PTPRZ1: variants seen among roughly 807,000 people sequenced by gnomAD.
The protein encoded by PTPRZ1 is protein tyrosine phosphatase receptor type Z1, also known as receptor-type tyrosine-protein phosphatase zeta.
PTPRZ1 carries 82 observed loss-of-function variants against 214.1 expected under a neutral mutation model. The ratio of observed to expected loss-of-function variants is 0.38; its 90% CI spans 0.32 to 0.46. The LOEUF (loss-of-function observed/expected upper bound fraction) is 0.46, where lower values mean the gene tolerates loss of function less well. Ranked by LOEUF, PTPRZ1 falls within the 20% of genes least tolerant of loss-of-function variation. The pLI is 1.00. For missense variants in PTPRZ1, 2,603 were observed against 2,748.7 expected (o/e 0.95, Z 1.19); for synonymous variants, 945 against 987.9 (o/e 0.96, Z 0.81).
chr7:121,923,080 G>C (rs1197110329), intron 1 of PTPRZ1, among the ~76,000 whole-genome samples: 2 of 152,104 alleles, frequency 1.3e-5, no homozygotes, highest in African/African-American at 4.8e-5. Context: ...GATCTATGAA[G>C]ATCCTACATG....
At chr7:121,924,983 G>C (rs146421558) in intron 1 of PTPRZ1, among the ~76,000 whole-genome samples, 78 of 152,290 alleles carry the variant, frequency 5.1e-4, no homozygotes, top group African/African-American at 1.8e-3. Flanking sequence ...TTGAAGGCAA[G>C]CATGCTATAG....
At position 122,027,153 on chromosome 7, in the gene PTPRZ1, G is replaced by C. The variant is rs76262716; in HGVS notation, c.4989-1399G>C. ...GATCAGGGGAAAACTCAGAGGGAGC[G>C]GCATTTGGGCCAATGCAAAAGTGAT... On this transcript the variant is annotated intron_variant, in intron 13 of 29. Coordinates refer to ENST00000393386, the MANE Select transcript of PTPRZ1 (RefSeq NM_002851.3). 8.7e-3 allele frequency among the ~76,000 whole-genome samples: 1,319 copies of C among 152,266 alleles called. 20 individuals are homozygous for C. Among genetic ancestry groups the C allele is most frequent in the African/African-American group, 0.03 (1,230 of 41,570 alleles).
chr7:122,055,760 C>T (rs1221856321), intron 27 of PTPRZ1, among the ~76,000 whole-genome samples: 2 of 151,790 alleles, frequency 1.3e-5, no homozygotes, highest in Admixed American at 1.3e-4. Context: ...CTAAAAGATA[C>T]TAACAATGAT....
At chr7:121,879,886 CTTT>C in intron 1 of PTPRZ1, among the ~76,000 whole-genome samples, 1 of 146,826 alleles carries the variant, frequency 6.8e-6, no homozygotes, top group South Asian at 2.2e-4. Context: ...TTTTCTTTTT[CTTT>C]TTTTGTTGCT....
intron 1 of PTPRZ1, among the ~76,000 whole-genome samples, chr7:121,919,234 G>A (rs548858730): frequency 3.0e-4 from 46 of 152,084 alleles, no homozygotes; most frequent in Admixed American, 1.1e-3. Context: ...CTGGTTAGCT[G>A]GAAAACTGCT....
chr7:121,900,754 T>A (rs1794932170), intron 1 of PTPRZ1, among the ~76,000 whole-genome samples: 1 of 152,188 alleles, frequency 6.6e-6, no homozygotes, highest in South Asian at 2.1e-4. Context: ...AATATGTTTA[T>A]GTATTCTTTT....
At chr7:122,043,357 G>C (rs1799788410) in intron 22 of PTPRZ1, among the ~76,000 whole-genome samples, 1 of 152,050 alleles carries the variant, frequency 6.6e-6, no homozygotes. Context: ...ACACATCCTT[G>C]CTAGCAAAAA....
chr7:121,884,030 GGAAA>G (rs1277013214), intron 1 of PTPRZ1, among the ~76,000 whole-genome samples: 25 of 152,118 alleles, frequency 1.6e-4, no homozygotes, highest in Non-Finnish European at 1.5e-5. Context: ...ACTAAGTTTA[GGAAA>G]GAGAGAAGGC....
intron 1 of PTPRZ1, among the ~76,000 whole-genome samples, chr7:121,917,087 C>T (rs1300186330): frequency 6.6e-6 from 1 of 152,146 alleles, no homozygotes; most frequent in Admixed American, 6.5e-5. Flanking sequence ...ATAGGATTTG[C>T]ACAGTTTCCG....
intron 1 of PTPRZ1, among the ~76,000 whole-genome samples, chr7:121,894,215 G>C (rs2116229743): frequency 1.3e-5 from 2 of 152,260 alleles, no homozygotes; most frequent in South Asian, 4.1e-4. Context: ...GGACCCCTTT[G>C]CCAAAACCCT....
intron 9 of PTPRZ1, 82 bp downstream of exon 9, chr7:121,996,648 T>A: frequency 8.9e-7 from 1 of 1,120,084 alleles, no homozygotes; most frequent in Non-Finnish European, 1.2e-6. Context: ...GGTTGTATAT[T>A]ATTTTCCTCC....
At chr7:122,014,104 C>T (rs1798774866) in intron 12 of PTPRZ1, among the ~76,000 whole-genome samples, 2 of 152,092 alleles carry the variant, frequency 1.3e-5, no homozygotes, top group East Asian at 1.9e-4. Context: ...ATTTAATTCT[C>T]TCCAAAATAG....
In PTPRZ1 at chr7:122,022,050, A is replaced by G. The variant is rs1799032870; in HGVS notation, c.4988+2782A>G. ...ACTAGCCAATATATAAACATTTTAG[A>G]CCTTTGTAAAAGCTACAGCTTGAGA... On this transcript the variant is annotated intron_variant, in intron 13 of 29. Coordinates refer to ENST00000393386, the MANE Select transcript of PTPRZ1 (RefSeq NM_002851.3). 5.3e-5 allele frequency among the ~76,000 whole-genome samples: 8 copies of G among 152,320 alleles called. No homozygotes were observed. In the South Asian group the frequency reaches 1.4e-3, roughly 28 times the overall value.
At chr7:122,035,706 G>A (rs925520554) in intron 17 of PTPRZ1, among the ~76,000 whole-genome samples, 2 of 152,134 alleles carry the variant, frequency 1.3e-5, no homozygotes, top group African/African-American at 4.8e-5. Flanking sequence ...AGTGTGACCT[G>A]TTACCATCAC....
rs1397236799 is a variant in PTPRZ1, at chr7:122,010,645, T to C, written c.1599T>C (p.Gly533=). 2 of 1,613,332 alleles carry C rather than the reference T, an allele frequency of 1.2e-6. No individual in the cohort carries two copies. The highest frequency in any genetic ancestry group is 1.1e-5 in the South Asian group (1 of 91,078). ...AACTGCCACCTCACACTGTGGAAGG[T>C]ACTTCAGCCTCTTTAAATGATGGCT... ...VTELPPHTVE[G]TSASLNDGSK... is the part of the protein sequence containing the mutation. Residue 533 remains glycine, a synonymous_variant, in exon 12 of 30, where the codon GGT becomes GGC. Coordinates refer to ENST00000393386, the MANE Select transcript of PTPRZ1 (RefSeq NM_002851.3).
intron 5 of PTPRZ1, among the ~76,000 whole-genome samples, chr7:121,976,567 T>G (rs1196349633): frequency 6.6e-6 from 1 of 152,158 alleles, no homozygotes; most frequent in Non-Finnish European, 1.5e-5. Context: ...TAACTATGAA[T>G]CATAAAATTT....
chr7:122,039,674 G>A, intron 20 of PTPRZ1, 86 bp downstream of exon 20: 1 of 1,495,420 alleles, frequency 6.7e-7, no homozygotes, highest in Non-Finnish European at 9.0e-7. Context: ...CCAAGAAAGG[G>A]TAAAAAGCAT....
chr7:121,904,356 A>G (rs1195968685), intron 1 of PTPRZ1, among the ~76,000 whole-genome samples: 1 of 152,150 alleles, frequency 6.6e-6, no homozygotes, highest in Non-Finnish European at 1.5e-5. Context: ...TGGATCGCAG[A>G]TGGCAGCCTG....
In PTPRZ1 at chr7:122,036,634, T is replaced by G. The variant is rs1363053415; in HGVS notation, c.5319T>G (p.Ala1773=). The change falls in exon 18 of 30, where the codon GCT becomes GCG. Residue 1773 remains alanine (A), a synonymous_variant. Coordinates refer to ENST00000393386, the MANE Select transcript of PTPRZ1 (RefSeq NM_002851.3). ...DHSRVKLAQL[A]EKDGKLTDYI... ...GCAGGGTTAAGCTAGCACAGCTTGC[T>G]GAAAAGGATGGCAAACTGACTGATT... 1.2e-6 allele frequency: 2 copies of G among 1,609,484 alleles called. No homozygotes were observed. The highest frequency in any genetic ancestry group is 2.7e-5 in the African/African-American group (2 of 74,844).
Sources: gnomAD v4.1 joint callset for allele counts (sites outside exome capture counted in the v4.1 genomes callset) on GRCh38, gnomAD v4.1.1 for gene constraint, MANE v1.5 for transcripts, NCBI Gene and HGNC (gene_info 2026-07-23, HGNC 2026-07-21) for gene names.